The following PLXNA4 variants were observed in gnomAD, a reference collection of about 807,000 sequenced individuals.
The protein encoded by PLXNA4 is plexin A4, also known as plexin-A4.
PLXNA4 carries 44 observed loss-of-function variants against 191.8 expected under a neutral mutation model. That is an observed-to-expected ratio of 0.23 (90% confidence interval 0.18 to 0.29). The LOEUF (loss-of-function observed/expected upper bound fraction) is 0.29, where lower values mean the gene tolerates loss of function less well. Among genes scored for constraint, PLXNA4 ranks in the 10% least tolerant of loss-of-function variants. The pLI is 1.00. For missense variants in PLXNA4, 1,800 were observed against 2,488.8 expected, an observed-to-expected ratio of 0.72 and a Z score of 5.89; for synonymous variants, 1,082 against 1,009.5, an observed-to-expected ratio of 1.07 and a Z score of -1.36.
At chr7:132,177,211 G>T (rs1004570834) in intron 20 of PLXNA4, among the ~76,000 whole-genome samples, 30 of 152,234 alleles carry the variant, frequency 2.0e-4, no homozygotes, top group African/African-American at 7.2e-4. Context: ...GCATGTGAGT[G>T]TATGTGTGAG....
At chr7:132,329,865 T>C (rs1802521644) in intron 3 of PLXNA4, among the ~76,000 whole-genome samples, 1 of 152,192 alleles carries the variant, frequency 6.6e-6, no homozygotes, top group South Asian at 2.1e-4. Context: ...AGTCCCATGA[T>C]GAAGATCTTC....
intron 1 of PLXNA4, among the ~76,000 whole-genome samples, chr7:132,536,789 C>G (rs1406148144): frequency 6.6e-6 from 1 of 152,182 alleles, no homozygotes; most frequent in East Asian, 1.9e-4. Context: ...AAATGCTGCC[C>G]TAAACGTATG....
intron 2 of PLXNA4, among the ~76,000 whole-genome samples, chr7:132,583,109 A>G (rs1400386054): frequency 6.6e-6 from 1 of 152,218 alleles, no homozygotes; most frequent in African/African-American, 2.4e-5. Context: ...AGTATTGGCC[A>G]TCAGAGACAT....
intron 1 of PLXNA4, among the ~76,000 whole-genome samples, chr7:132,539,114 T>C (rs1211497799): frequency 6.6e-6 from 1 of 152,194 alleles, no homozygotes; most frequent in Non-Finnish European, 1.5e-5. Context: ...CAGGACCTAT[T>C]GTGCCTACTT....
chr7:132,274,004 T>TAA (rs5887563), intron 4 of PLXNA4, among the ~76,000 whole-genome samples: 127 of 147,168 alleles, frequency 8.6e-4, no homozygotes, highest in African/African-American at 1.5e-3. Flanking sequence ...TATTCAGCAG[T>TAA]AAAAAAAAAA....
At chr7:132,187,716 G>C in intron 14 of PLXNA4, 109 bp from the exon 15 acceptor site, 4 of 1,461,560 alleles carry the variant, frequency 2.7e-6, no homozygotes, top group Non-Finnish European at 3.6e-6. Context: ...TGGAATCTTT[G>C]GTAACAGTGG....
At chr7:132,132,922 C>T (rs780295454) in intron 31 of PLXNA4, 127 bp downstream of exon 31, 4 of 1,376,330 alleles carry the variant, frequency 2.9e-6, no homozygotes, top group Non-Finnish European at 3.9e-6. Flanking sequence ...CCCAGGTCCT[C>T]AGTGGTGGTT....
chr7:132,174,737 G>A (rs7808586), intron 21 of PLXNA4, 41 bp downstream of exon 21: 993,364 of 1,589,518 alleles, frequency 0.62, 318,458 homozygotes, highest in African/African-American at 0.93. Context: ...TTGCCAACAC[G>A]CTCCCCTGCT....
At chr7:132,379,502 T>C (rs1427887561) in intron 3 of PLXNA4, among the ~76,000 whole-genome samples, 2 of 152,206 alleles carry the variant, frequency 1.3e-5, no homozygotes, top group Non-Finnish European at 2.9e-5. Context: ...CAGATCCCCA[T>C]GGACCTTGCA....
chr7:132,294,657 C>T (rs1397684256), intron 4 of PLXNA4, among the ~76,000 whole-genome samples: 2 of 152,162 alleles, frequency 1.3e-5, no homozygotes, highest in African/African-American at 4.8e-5. Context: ...ATTCTGGAAA[C>T]ATTTTGTAGA....
At chr7:132,564,569 C>T (rs1476430036) in intron 1 of PLXNA4, among the ~76,000 whole-genome samples, 1 of 152,174 alleles carries the variant, frequency 6.6e-6, no homozygotes, top group Non-Finnish European at 1.5e-5. Flanking sequence ...CCACACTAAG[C>T]TGTGAACTCC....
Position 132,233,151 on chromosome 7 carries a change from A to G in PLXNA4, c.1605-4682T>C, listed in dbSNP as rs183087301. Among the ~76,000 whole-genome samples, 295 of 152,352 alleles carry G rather than the reference A, an allele frequency of 1.9e-3. 1 individual carries two copies. Among genetic ancestry groups the G allele is most frequent in the Non-Finnish European group, 3.4e-3 (229 of 68,028 alleles). On this transcript the variant is annotated intron_variant, in intron 5 of 31. Coordinates refer to ENST00000321063, the MANE Select transcript of PLXNA4 (RefSeq NM_020911.2). ...CAGCAGACCTAATAGAAAAGTTAAG[A>G]TAATTTAGAATGCCTACTCACCTAG...
chr7:132,343,002 G>T (rs565257353), intron 3 of PLXNA4, among the ~76,000 whole-genome samples: 1 of 151,690 alleles, frequency 6.6e-6, no homozygotes, highest in Admixed American at 6.6e-5. Flanking sequence ...CACAAGGGAT[G>T]GGGGATACTG....
At chr7:132,213,389 C>T (rs1303222655) in intron 9 of PLXNA4, among the ~76,000 whole-genome samples, 1 of 152,134 alleles carries the variant, frequency 6.6e-6, no homozygotes, top group Non-Finnish European at 1.5e-5. Context: ...GTGTATTTTG[C>T]CACAATTATA....
intron 4 of PLXNA4, among the ~76,000 whole-genome samples, chr7:132,290,024 G>T (rs1392289520): frequency 6.6e-6 from 1 of 152,178 alleles, no homozygotes; most frequent in Non-Finnish European, 1.5e-5. Flanking sequence ...TATGGGCAGG[G>T]AACTCACCTC....
At chr7:132,455,402 G>A (rs1796277147) in intron 3 of PLXNA4, among the ~76,000 whole-genome samples, 1 of 152,052 alleles carries the variant, frequency 6.6e-6, no homozygotes, top group Non-Finnish European at 1.5e-5. Context: ...AGAAGGAGGA[G>A]AGGGCCAGGC....
chr7:132,271,987 CAGAA>C (rs1330521133), intron 4 of PLXNA4, among the ~76,000 whole-genome samples: 2 of 152,134 alleles, frequency 1.3e-5, no homozygotes, highest in Non-Finnish European at 2.9e-5. Flanking sequence ...AAAATTTGGA[CAGAA>C]AGTCCCATGT....
chr7:132,213,414 A>T (rs980000325), intron 9 of PLXNA4, among the ~76,000 whole-genome samples: 4 of 152,156 alleles, frequency 2.6e-5, no homozygotes, highest in Non-Finnish European at 5.9e-5. Context: ...AATGAAGAGG[A>T]GCAGCAGGCA....
At chr7:132,413,231 G>A (rs1217524846) in intron 3 of PLXNA4, among the ~76,000 whole-genome samples, 1 of 152,160 alleles carries the variant, frequency 6.6e-6, no homozygotes, top group East Asian at 1.9e-4. Flanking sequence ...CGCTGCACAG[G>A]CACACAGCAA....
Sources: gnomAD v4.1 joint callset for allele counts (sites outside exome capture counted in the v4.1 genomes callset) on GRCh38, gnomAD v4.1.1 for gene constraint, MANE v1.5 for transcripts, NCBI Gene and HGNC (gene_info 2026-07-23, HGNC 2026-07-21) for gene names.